MYT1L: variants seen among roughly 807,000 people sequenced by gnomAD.
MYT1L encodes myelin transcription factor 1 like.
Under a neutral mutation model 126.7 loss-of-function variants are expected in MYT1L, and 12 were observed. That is an observed-to-expected ratio of 0.09 (90% CI 0.06 to 0.15). The LOEUF (loss-of-function observed/expected upper bound fraction) is 0.15, where lower values mean the gene tolerates loss of function less well. MYT1L is among the 10% of genes least tolerant of loss of function. MYT1L has a pLI of 1.00. For synonymous variants in MYT1L, 541 were observed against 604.2 expected, an observed-to-expected ratio of 0.90 and a Z score of 1.53; for missense variants, 979 against 1,585.2, an observed-to-expected ratio of 0.62 and a Z score of 6.49.
chr2:2,216,138 C>T (rs2093670814), intron 2 of MYT1L, among the ~76,000 whole-genome samples: 1 of 151,972 alleles, frequency 6.6e-6, no homozygotes, highest in Non-Finnish European at 1.5e-5. Flanking sequence ...TGCCATGATT[C>T]CTGTACAGCC....
intron 2 of MYT1L, among the ~76,000 whole-genome samples, chr2:2,178,263 G>C (rs541370550): frequency 6.6e-6 from 1 of 152,148 alleles, no homozygotes; most frequent in African/African-American, 2.4e-5. Flanking sequence ...CCAAAGTCAC[G>C]TAATACTTGT....
Position 2,082,561 on chromosome 2 carries a change from C to T in MYT1L, c.-303-28438G>A, listed in dbSNP as rs73911336. Among the ~76,000 whole-genome samples, 1,283 of 152,164 alleles carry T rather than the reference C, an allele frequency of 8.4e-3. 17 individuals are homozygous for T. The highest frequency in any genetic ancestry group is 0.026 in the African/African-American group (1,070 of 41,508). On this transcript the variant is annotated intron_variant, in intron 3 of 24. Coordinates refer to ENST00000647738, the MANE Select transcript of MYT1L (RefSeq NM_001303052.2). ...TTTTTTCTCCAAATGTGGCATATAA[C>T]ATTGTAACATTTATAATAATAGAAT... is the stretch of plus-strand genomic sequence containing the variant.
intron 3 of MYT1L, among the ~76,000 whole-genome samples, chr2:2,147,355 C>T (rs1248813515): frequency 6.6e-6 from 1 of 152,226 alleles, no homozygotes; most frequent in Non-Finnish European, 1.5e-5. Flanking sequence ...TGCGAGCACA[C>T]AGCAGGCACA....
At chr2:2,210,218 T>C (rs1572486996) in intron 2 of MYT1L, among the ~76,000 whole-genome samples, 1 of 152,168 alleles carries the variant, frequency 6.6e-6, no homozygotes. Context: ...GGTTGACTTT[T>C]TCCTTTGCTG....
At position 2,301,549 on chromosome 2, in the gene MYT1L, G is replaced by T. The variant is rs1430033476; in HGVS notation, c.-520-17046C>A. Among the ~76,000 whole-genome samples the T allele has an allele frequency of 2.0e-5, 3 of 152,070 alleles. No homozygotes were observed. In the East Asian group the frequency reaches 5.8e-4, roughly 29 times the overall value. On this transcript the variant is annotated intron_variant, in intron 1 of 24. Transcript: ENST00000647738. ...TCTTTAATTAAAAATTTAAATATGGGCCTGGCACAATGGCTCATGCTTGTA... is the reference window on the plus strand; with the variant it reads ...TCTTTAATTAAAAATTTAAATATGGTCCTGGCACAATGGCTCATGCTTGTA...
chr2:1,903,926 C>CGT (rs140944278), intron 13 of MYT1L, among the ~76,000 whole-genome samples: 1,670 of 150,546 alleles, frequency 0.011, 15 homozygotes, highest in Middle Eastern at 0.031. Context: ...GACACCATGT[C>CGT]GTGTGTGTGT....
rs1484077615 is a variant in MYT1L at position 1,848,305 on chromosome 2, C to T, written c.2774+3336G>A. On this transcript the variant is annotated intron_variant, in intron 19 of 24. Transcript: ENST00000647738. This position sits in a 1 kb window ranked among gnomAD's most constrained non-coding sequence, Gnocchi z 4.8. ...CACCACGGAAGCGCGAGGCATTTGT[C>T]CTGGGAGCAGGAGGAAGAATTCCAG... is the stretch of plus-strand genomic sequence containing the variant. 1.9e-5 allele frequency among the ~76,000 whole-genome samples: 1 copy of T among 51,422 alleles called. No individual in the cohort carries two copies. The highest frequency in any genetic ancestry group is 3.6e-5 in the Non-Finnish European group (1 of 27,862). 33.7% of individuals were successfully genotyped at this position (51,422 alleles called of 152,430 possible).
At position 2,208,613 on chromosome 2, in the gene MYT1L, A is replaced by T. The variant is rs976914590; in HGVS notation, c.-420-35625T>A. 8.2e-4 allele frequency among the ~76,000 whole-genome samples: 125 copies of T among 152,352 alleles called. 1 individual carries two copies. The highest frequency in any genetic ancestry group is 6.7e-3 in the Admixed American group (103 of 15,300). On this transcript the variant is annotated intron_variant, in intron 2 of 24. Coordinates refer to ENST00000647738, the MANE Select transcript of MYT1L (RefSeq NM_001303052.2). ...CAATAACAATTAAAAACTTTAAAAA[A>T]CTTTAATTTATAAATAACCTTTTTT...
At chr2:2,164,730 C>A (rs769176645) in intron 3 of MYT1L, among the ~76,000 whole-genome samples, 2 of 152,220 alleles carry the variant, frequency 1.3e-5, no homozygotes, top group Non-Finnish European at 2.9e-5. Context: ...AAGAAAGACA[C>A]GTGCTGTCAA....
rs190270420 is a variant in MYT1L at position 2,066,277 on chromosome 2, C to G, written c.-303-12154G>C. Among the ~76,000 whole-genome samples, 18 of 152,258 alleles carry G rather than the reference C, an allele frequency of 1.2e-4. No individual in the cohort carries two copies. The East Asian group carries it at 3.1e-3, about 26-fold the overall frequency. ...AAAGTTCATATGTCCTTGCTGGGCA[C>G]CAGGTGTGTTCTAAGAACTTTATAA... is the stretch of plus-strand genomic sequence containing the variant. On this transcript the variant is annotated intron_variant, in intron 3 of 24. Transcript: ENST00000647738.
chr2:2,309,721 G>A (rs765740690), intron 1 of MYT1L, among the ~76,000 whole-genome samples: 139 of 151,258 alleles, frequency 9.2e-4, no homozygotes, highest in Non-Finnish European at 1.6e-3. Flanking sequence ...CTACACTTCA[G>A]TATACTCTAT....
intron 12 of MYT1L, 86 bp downstream of exon 12, chr2:1,911,934 T>C (rs2149030557): frequency 2.8e-6 from 3 of 1,054,336 alleles, no homozygotes; most frequent in African/African-American, 3.2e-5. Context: ...GAGCACCATA[T>C]GGAGCGTGGT....
intron 2 of MYT1L, among the ~76,000 whole-genome samples, chr2:2,266,507 G>A (rs1369019039): frequency 6.6e-6 from 1 of 152,168 alleles, no homozygotes. Flanking sequence ...TGGGGTGAGG[G>A]ACCACAGCAT....
chr2:2,106,440 A>T (rs1375160475), intron 3 of MYT1L, among the ~76,000 whole-genome samples: 2 of 152,084 alleles, frequency 1.3e-5, no homozygotes, highest in Non-Finnish European at 2.9e-5. Context: ...CAACATGGTG[A>T]AATCCCATCT....
rs1417968669 is a variant in MYT1L at position 2,244,188 on chromosome 2, AAAAT to A, written c.-421+40212_-421+40215del. ...CTTTTATGAAAAGTCACAATCTGGG[AAAAT>A]GCTGACCGGTCTTTGTTGCTCCCAG... On this transcript the variant is annotated intron_variant, in intron 2 of 24. Coordinates refer to ENST00000647738, the MANE Select transcript of MYT1L (RefSeq NM_001303052.2). 1.1e-4 allele frequency among the ~76,000 whole-genome samples: 16 copies of A among 152,340 alleles called. No individual in the cohort carries two copies. The East Asian group carries it at 3.1e-3, about 29-fold the overall frequency.
chr2:2,317,087 G>A (rs1384881280), intron 1 of MYT1L, among the ~76,000 whole-genome samples: 1 of 151,968 alleles, frequency 6.6e-6, no homozygotes, highest in Non-Finnish European at 1.5e-5. Flanking sequence ...AAAGTGCTGA[G>A]GTTATAGGTG....
chr2:2,224,217 C>A lies in MYT1L; in HGVS notation c.-420-51229G>T, dbSNP rs961762048. Among the ~76,000 whole-genome samples, 2 of 152,130 alleles carry A rather than the reference C, an allele frequency of 1.3e-5. 1 individual carries two copies. Among genetic ancestry groups the A allele is most frequent in the Non-Finnish European group, 2.9e-5 (2 of 68,036 alleles). ...TTTCTTATAGGGAAGAATTCTGTGA[C>A]GAGTTGGCCCCTCCTTGCCCATCTG... On this transcript the variant is annotated intron_variant, in intron 2 of 24. Transcript: ENST00000647738. This position sits in a 1 kb window ranked among gnomAD's most constrained non-coding sequence, Gnocchi z 4.0.
At chr2:2,005,803 C>CCTTTCCTGCATGCGTT (rs2063244838) in intron 4 of MYT1L, among the ~76,000 whole-genome samples, 1 of 122,664 alleles carries the variant, frequency 8.2e-6, no homozygotes, top group Non-Finnish European at 1.7e-5. Context: ...TTCCTGTGTG[C>CCTTTCCTGCATGCGTT]CTTTCCTGCA....
At chr2:1,978,623 G>A (rs35585718) in intron 8 of MYT1L, among the ~76,000 whole-genome samples, 4,106 of 152,226 alleles carry the variant, frequency 0.027, 75 homozygotes, top group Non-Finnish European at 0.042. Context: ...TGTAATCACT[G>A]CAGTTCCAAA....
Sources: allele counts gnomAD v4.1 joint callset (sites outside exome capture counted in the v4.1 genomes callset), GRCh38; gene constraint gnomAD v4.1.1; non-coding constraint Gnocchi (gnomAD v3.1); transcripts MANE v1.5; gene names NCBI Gene and HGNC (gene_info 2026-07-23, HGNC 2026-07-21).